Variants in SLC20A2 observed in about 807,000 individuals in gnomAD.
SLC20A2 encodes sodium-dependent phosphate transporter 2.
In SLC20A2, 30 loss-of-function variants were observed where a neutral mutation model predicts 61.0. That is an observed-to-expected ratio of 0.49 (90% CI 0.37 to 0.67). The LOEUF (loss-of-function observed/expected upper bound fraction) is 0.67, where lower values mean the gene tolerates loss of function less well. SLC20A2 is among the 30% of genes least tolerant of loss of function. The probability of loss-of-function intolerance (pLI) is 0.00; values close to 1 mark genes in which losing one functional copy is unlikely to be tolerated. For missense variants in SLC20A2, 626 were observed against 866.4 expected (o/e 0.72, Z 3.48); for synonymous variants, 351 against 353.3 (o/e 0.99, Z 0.07).
At chr8:42,422,430 G>T (rs1803110234) in intron 10 of SLC20A2, among the ~76,000 whole-genome samples, 1 of 152,082 alleles carries the variant, frequency 6.6e-6, no homozygotes, top group African/African-American at 2.4e-5. Flanking sequence ...AGATTTCATT[G>T]TTTGTGATAT....
chr8:42,434,382 C>T (rs1275475072), intron 8 of SLC20A2, among the ~76,000 whole-genome samples: 1 of 150,716 alleles, frequency 6.6e-6, no homozygotes, highest in African/African-American at 2.4e-5. Flanking sequence ...CCACCACACC[C>T]GGCCTATTAA....
At chr8:42,476,519 G>C (rs1428989888) in intron 1 of SLC20A2, among the ~76,000 whole-genome samples, 1 of 152,278 alleles carries the variant, frequency 6.6e-6, no homozygotes, top group Admixed American at 6.5e-5. Context: ...CCACAGGAGC[G>C]CCCTGGGTGG....
At chr8:42,470,216 A>ATTTTT (rs556198459) in intron 2 of SLC20A2, among the ~76,000 whole-genome samples, 7 of 132,938 alleles carry the variant, frequency 5.3e-5, no homozygotes, top group Non-Finnish European at 8.1e-5. Flanking sequence ...CTTGAACCTG[A>ATTTTT]TTTTTTTTTT....
rs71548582 is a variant in SLC20A2 at position 42,455,241 on chromosome 8, AAT to A, written c.613+4653_613+4654del. The stretch of plus-strand genomic sequence containing the variant: ...CTCCGTCTAAAAAAAAAAAAAAAAA[AAT>A]ATATATATATATATAGAGAGAGAGA... On this transcript the variant is annotated intron_variant, in intron 5 of 10. Transcript: ENST00000520262. 2.9e-3 allele frequency among the ~76,000 whole-genome samples: 299 copies of A among 102,550 alleles called. 3 individuals are homozygous for A. Among genetic ancestry groups the A allele is most frequent in the Admixed American group, 0.01 (83 of 8,220 alleles). The allele number at this position is 102,550 out of a possible 152,430, so 67.3% of individuals were successfully genotyped here. A position where few individuals can be genotyped will look rare whatever the true frequency, so the allele number is the denominator to read the frequency against.
chr8:42,495,714 T>C (rs1390882323), intron 1 of SLC20A2, among the ~76,000 whole-genome samples: 1 of 152,018 alleles, frequency 6.6e-6, no homozygotes, highest in Admixed American at 6.6e-5. Flanking sequence ...TGTAATTAAC[T>C]ATGCTATAAA....
rs557119130 is a variant in SLC20A2 at position 42,444,890 on chromosome 8, A to C, written c.614-128T>G. The C allele has an allele frequency of 3.2e-4, 201 of 633,146 alleles. 1 individual carries two copies. The Admixed American group carries it at 5.4e-3, about 17-fold the overall frequency. The allele number at this position is 633,146 out of a possible 1,614,324, so 39.2% of individuals were successfully genotyped here. A position where few individuals can be genotyped will look rare whatever the true frequency, so the allele number is the denominator to read the frequency against. ...GGATTTTGTAGTGAATAAAACTCTCAACTAAAAAAACATGCTATACTTTTT... is the reference window on the plus strand; with the variant it reads ...GGATTTTGTAGTGAATAAAACTCTCCACTAAAAAAACATGCTATACTTTTT... On this transcript the variant is annotated intron_variant, in intron 5 of 10. Transcript: ENST00000520262.
chr8:42,487,168 GTTTC>G (rs1392598816), intron 1 of SLC20A2, among the ~76,000 whole-genome samples: 5 of 118,674 alleles, frequency 4.2e-5, no homozygotes, highest in Non-Finnish European at 3.4e-5. Context: ...CTTGGCCATG[GTTTC>G]TTTCTTTTTT....
intron 4 of SLC20A2, among the ~76,000 whole-genome samples, chr8:42,461,668 TCTTGAA>T (rs1701372149): frequency 1.3e-5 from 2 of 152,038 alleles, no homozygotes; most frequent in South Asian, 4.1e-4. Context: ...GCCAGGCTGG[TCTTGAA>T]CTCCTGACCT....
chr8:42,441,759 G>A (rs778793348), intron 6 of SLC20A2, among the ~76,000 whole-genome samples: 8 of 151,732 alleles, frequency 5.3e-5, no homozygotes, highest in African/African-American at 1.2e-4. Context: ...GTGCCACTGC[G>A]CCTGGCCTAT....
In SLC20A2 at chr8:42,523,893, T is replaced by C. The variant is rs74379720; in HGVS notation, c.-265+17928A>G. ...ATCTGAAAAATAATTCTTCTTGTGA[T>C]ATGTCCTTGGAATTTCTTCCTCACG... On this transcript the variant is annotated intron_variant, in intron 1 of 10. Transcript: ENST00000342228. 2.6e-5 allele frequency among the ~76,000 whole-genome samples: 4 copies of C among 152,346 alleles called. No individual in the cohort carries two copies. The East Asian group carries it at 7.7e-4, about 29-fold the overall frequency.
At chr8:42,508,267 C>A (rs562573496) in intron 1 of SLC20A2, among the ~76,000 whole-genome samples, 17 of 152,300 alleles carry the variant, frequency 1.1e-4, no homozygotes, top group African/African-American at 4.1e-4. Context: ...TCGCCTGAGG[C>A]CAGGAGTCCC....
chr8:42,421,291 G>A (rs28535107), intron 10 of SLC20A2, among the ~76,000 whole-genome samples: 12,836 of 152,142 alleles, frequency 0.084, 1,739 homozygotes, highest in African/African-American at 0.28. Flanking sequence ...TCAGCCTCCT[G>A]AGTAGCTGGG....
chr8:42,538,650 CAGA>C (rs1478092204), intron 1 of SLC20A2, among the ~76,000 whole-genome samples: 2 of 152,188 alleles, frequency 1.3e-5, no homozygotes, highest in Admixed American at 6.5e-5. Flanking sequence ...ATGAGTGAAA[CAGA>C]AGAAGTCCCT....
chr8:42,527,682 C>T (rs1257089323), intron 1 of SLC20A2, among the ~76,000 whole-genome samples: 2 of 151,868 alleles, frequency 1.3e-5, no homozygotes, highest in African/African-American at 2.4e-5. Context: ...ACAGGAGAAT[C>T]GCTTAAACCC....
intron 6 of SLC20A2, among the ~76,000 whole-genome samples, chr8:42,443,952 C>T (rs1316989857): frequency 6.6e-6 from 1 of 152,168 alleles, no homozygotes; most frequent in Non-Finnish European, 1.5e-5. Context: ...TGCCTTCAGC[C>T]GTCAGGTCCC....
At chr8:42,447,906 C>T (rs1475182612) in intron 5 of SLC20A2, among the ~76,000 whole-genome samples, 1 of 152,226 alleles carries the variant, frequency 6.6e-6, no homozygotes, top group Non-Finnish European at 1.5e-5. Flanking sequence ...CGCGGCTGTA[C>T]TGACACCAGC....
rs1178175264 is a variant in SLC20A2 at position 42,472,418 on chromosome 8, C to G, written c.-28G>C. 1 of 1,594,764 alleles carries G rather than the reference C, an allele frequency of 6.3e-7. No homozygotes were observed. Among genetic ancestry groups the G allele is most frequent in the African/African-American group, 1.4e-5 (1 of 73,950 alleles). ...TGGAAAGTGGGTGCCGGGTACTTTT[C>G]TTTTGCAGGAATATTTTAAATAAAC... On this transcript the variant is annotated 5_prime_UTR_variant, in exon 2 of 11. Coordinates refer to ENST00000520262, the MANE Select transcript of SLC20A2 (RefSeq NM_001257180.2). The surrounding 1 kb of genome is among the most constrained non-coding windows in gnomAD (Gnocchi z 4.1).
chr8:42,483,991 G>A (rs560588349), intron 1 of SLC20A2, among the ~76,000 whole-genome samples: 16 of 152,136 alleles, frequency 1.1e-4, no homozygotes, highest in Non-Finnish European at 2.2e-4. Context: ...TGGTACAACC[G>A]CATATTCTTT....
intron 1 of SLC20A2, among the ~76,000 whole-genome samples, chr8:42,497,597 A>G (rs529271116): frequency 4.0e-4 from 61 of 152,246 alleles, no homozygotes; most frequent in African/African-American, 1.5e-3. Flanking sequence ...CCACTGAGAC[A>G]CACATATACT....
Sources: allele counts gnomAD v4.1 joint callset (sites outside exome capture counted in the v4.1 genomes callset), GRCh38; gene constraint gnomAD v4.1.1; non-coding constraint Gnocchi (gnomAD v3.1); transcripts MANE v1.5; gene names NCBI Gene and HGNC (gene_info 2026-07-23, HGNC 2026-07-21).